The following CCDC57 variants were observed in gnomAD, a reference collection of about 807,000 sequenced individuals.
CCDC57 encodes coiled-coil domain containing 57, also known as coiled-coil domain-containing protein 57.
A neutral mutation model predicts 118.9 loss-of-function variants in CCDC57; 118 were observed. The ratio of observed to expected loss-of-function variants is 0.99; its 90% CI spans 0.86 to 1.16. The LOEUF (loss-of-function observed/expected upper bound fraction) is 1.16. Among genes scored for constraint, CCDC57 ranks in the 50% most tolerant of loss-of-function variants. The probability of loss-of-function intolerance (pLI) is 0.00; values close to 1 mark genes in which losing one functional copy is unlikely to be tolerated. For missense variants in CCDC57, 1,300 were observed against 1,320.7 expected, an observed-to-expected ratio of 0.98 and a Z score of 0.24; for synonymous variants, 527 against 532.9, an observed-to-expected ratio of 0.99 and a Z score of 0.15.
At chr17:82,127,938 A>C (rs1598741581) in intron 18 of CCDC57, 30 bp from the exon 18 acceptor site, 1 of 1,604,392 alleles carries the variant, frequency 6.2e-7, no homozygotes, top group African/African-American at 1.3e-5. Context: ...CTTGAAAGCC[A>C]CCCTCTCCAA....
chr17:82,119,926 C>A (rs1194821918), intron 19 of CCDC57, among the ~76,000 whole-genome samples: 1 of 152,156 alleles, frequency 6.6e-6, no homozygotes, highest in Non-Finnish European at 1.5e-5. Flanking sequence ...GCTGTTCCAG[C>A]CTCAGAGGTT....
At chr17:82,101,540 C>T in exon 20 of CCDC57, 1 of 706,448 alleles carries the variant, frequency 1.4e-6, no homozygotes, top group South Asian at 2.1e-5. Flanking sequence ...GTCGCCTCAG[C>T]AGCATTTGGG....
At chr17:82,120,885 A>G (rs2036585676) in intron 19 of CCDC57, among the ~76,000 whole-genome samples, 1 of 152,032 alleles carries the variant, frequency 6.6e-6, no homozygotes. Flanking sequence ...CCTCCCAAGT[A>G]GCTAGGACTA....
chr17:82,126,046 C>T (rs993576364), intron 19 of CCDC57, among the ~76,000 whole-genome samples: 4 of 152,028 alleles, frequency 2.6e-5, no homozygotes, highest in Admixed American at 2.6e-4. Context: ...TCTGGGAGGC[C>T]GAGGTGGGCG....
chr17:82,152,660 C>T (rs1234393831), intron 15 of CCDC57, among the ~76,000 whole-genome samples: 1 of 152,260 alleles, frequency 6.6e-6, no homozygotes, highest in Non-Finnish European at 1.5e-5. Context: ...CGACCTACTT[C>T]TCCCGTGCCA....
intron 9 of CCDC57, among the ~76,000 whole-genome samples, chr17:82,182,227 A>G (rs917483571): frequency 2.0e-5 from 3 of 151,932 alleles, no homozygotes; most frequent in Non-Finnish European, 2.9e-5. Context: ...GTAAATCTAA[A>G]TGTGCTTTCT....
chr17:82,126,883 A>G lies in CCDC57; in HGVS notation c.2899+809T>C, dbSNP rs756065773. The G allele has an allele frequency of 1.7e-4, 169 of 985,332 alleles. 1 individual carries two copies. Among genetic ancestry groups the G allele is most frequent in the Non-Finnish European group, 2.0e-4 (168 of 829,952 alleles). The allele number at this position is 985,332 out of a possible 1,614,324, so 61.0% of individuals were successfully genotyped here. A position where few individuals can be genotyped will look rare whatever the true frequency, so the allele number is the denominator to read the frequency against. ...GAGGCACACCCTCATGACGGAAGAC[A>G]GAAGCTGTAAGGTAAGAAGGGGACG... On this transcript the variant is annotated intron_variant, in intron 19 of 19. Transcript: ENST00000665763.
At chr17:82,159,900 A>C (rs1435305516) in intron 14 of CCDC57, among the ~76,000 whole-genome samples, 1 of 151,726 alleles carries the variant, frequency 6.6e-6, no homozygotes, top group Non-Finnish European at 1.5e-5. Flanking sequence ...CAATCTCCTG[A>C]CCTGGTGATC....
At chr17:82,201,395 C>G in intron 3 of CCDC57, 143 bp downstream of exon 2, 1 of 1,071,936 alleles carries the variant, frequency 9.3e-7, no homozygotes, top group South Asian at 1.7e-5. Context: ...GCCACTCAGA[C>G]AGACCAGCTC....
At chr17:82,123,373 C>T (rs999135220) in intron 19 of CCDC57, among the ~76,000 whole-genome samples, 1 of 150,760 alleles carries the variant, frequency 6.6e-6, no homozygotes, top group African/African-American at 2.5e-5. Flanking sequence ...AAGCGATCCT[C>T]CCACTTTAGC....
At position 82,118,068 on chromosome 17, in the gene CCDC57, T is replaced by G. The variant is rs1218238766; in HGVS notation, c.2899+9624A>C. 6.6e-6 allele frequency among the ~76,000 whole-genome samples: 1 copy of G among 152,140 alleles called. No homozygotes were observed. Among genetic ancestry groups the G allele is most frequent in the Non-Finnish European group, 1.5e-5 (1 of 67,998 alleles). The stretch of plus-strand genomic sequence containing the variant: ...GCGGCTCACAAAACTACCAGAAAGA[T>G]CTGTCGGCTCTGTGTGTACTGACAT... On this transcript the variant is annotated intron_variant, in intron 19 of 19. Transcript: ENST00000665763. The surrounding 1 kb of genome is among the most constrained non-coding windows in gnomAD (Gnocchi z 4.7).
intron 19 of CCDC57, among the ~76,000 whole-genome samples, chr17:82,102,829 G>A (rs2034546391): frequency 6.6e-6 from 1 of 151,754 alleles, no homozygotes; most frequent in Admixed American, 6.6e-5. Context: ...AGGTTGCAGT[G>A]AGCCGAGATT....
chr17:82,187,092 C>T (rs2047016530), intron 8 of CCDC57, among the ~76,000 whole-genome samples: 1 of 151,580 alleles, frequency 6.6e-6, no homozygotes, highest in African/African-American at 2.4e-5. Flanking sequence ...AAAAAATTAG[C>T]CGGGCATAGT....
At chr17:82,139,225 G>A (rs1311127393) in intron 16 of CCDC57, among the ~76,000 whole-genome samples, 2 of 152,206 alleles carry the variant, frequency 1.3e-5, no homozygotes, top group Admixed American at 1.3e-4. Context: ...GTTTCCAGAT[G>A]TCTACAGGAC....
At chr17:82,178,639 G>C (rs1324701078) in intron 10 of CCDC57, 34 bp from the exon 10 acceptor site, 1 of 1,603,932 alleles carries the variant, frequency 6.2e-7, no homozygotes, top group Non-Finnish European at 8.5e-7. Context: ...TCCCTGTGTG[G>C]ATGACCGGGC....
intron 9 of CCDC57, among the ~76,000 whole-genome samples, chr17:82,180,487 T>C (rs1289814078): frequency 6.6e-6 from 1 of 152,244 alleles, no homozygotes; most frequent in African/African-American, 2.4e-5. Flanking sequence ...TTTTTAGGTT[T>C]TTTTTGGATA....
intron 19 of CCDC57, among the ~76,000 whole-genome samples, chr17:82,121,383 C>T (rs2036655859): frequency 6.6e-6 from 1 of 152,188 alleles, no homozygotes; most frequent in South Asian, 2.1e-4. Context: ...GAGCTGCAGG[C>T]AGCAGGCTCT....
Position 82,181,050 on chromosome 17 carries a change from G to A in CCDC57, c.1212-1861C>T, listed in dbSNP as rs562120893. ...AGGGACGGCAAACCACGCAGAGCAC[G>A]GTGGTCTTGCTGTGACGAGGAGATG... On this transcript the variant is annotated intron_variant, in intron 9 of 19. Coordinates refer to ENST00000665763, the Ensembl canonical transcript of CCDC57. 2.8e-4 allele frequency among the ~76,000 whole-genome samples: 42 copies of A among 152,358 alleles called. 1 individual carries two copies. The South Asian group carries it at 8.3e-3, about 30-fold the overall frequency.
At chr17:82,107,429 G>T in intron 19 of CCDC57, 1 of 469,268 alleles carries the variant, frequency 2.1e-6, no homozygotes, top group Non-Finnish European at 4.4e-6. Context: ...CACCCTCCAT[G>T]GCGTCTCTGC....
Sources: gnomAD v4.1 joint callset for allele counts (sites outside exome capture counted in the v4.1 genomes callset) on GRCh38, gnomAD v4.1.1 for gene constraint, Gnocchi (gnomAD v3.1) non-coding constraint, MANE v1.5 for transcripts, NCBI Gene and HGNC (gene_info 2026-07-23, HGNC 2026-07-21) for gene names.